Variants in ANKS1B observed in about 807,000 individuals in gnomAD.
The protein encoded by ANKS1B is ankyrin repeat and sterile alpha motif domain containing 1B.
ANKS1B carries 36 observed loss-of-function variants against 148.3 expected under a neutral mutation model. The ratio of observed to expected loss-of-function variants is 0.24; its 90% confidence interval spans 0.19 to 0.32. The LOEUF is 0.32. Ranked by LOEUF, ANKS1B falls within the 10% of genes least tolerant of loss-of-function variation. The pLI is 1.00. For synonymous variants in ANKS1B, 542 were observed against 560.8 expected, an observed-to-expected ratio of 0.97 and a Z score of 0.47; for missense variants, 1,157 against 1,542.6, an observed-to-expected ratio of 0.75 and a Z score of 4.19.
At chr12:99,815,929 T>C (rs534942310) in intron 2 of ANKS1B, among the ~76,000 whole-genome samples, 1 of 151,962 alleles carries the variant, frequency 6.6e-6, no homozygotes, top group Non-Finnish European at 1.5e-5. Flanking sequence ...CAAATGCAAA[T>C]TGTGCTACTA....
intron 9 of ANKS1B, among the ~76,000 whole-genome samples, chr12:99,628,852 G>T (rs945781101): frequency 1.3e-5 from 2 of 152,146 alleles, no homozygotes; most frequent in East Asian, 3.8e-4. Flanking sequence ...CATTCATGAG[G>T]GCAGAGCCCT....
chr12:99,311,173 G>A (rs1238865275), intron 12 of ANKS1B, among the ~76,000 whole-genome samples: 1 of 152,096 alleles, frequency 6.6e-6, no homozygotes, highest in Non-Finnish European at 1.5e-5. Flanking sequence ...GACTTCTTAA[G>A]CAAATAGAAT....
At chr12:99,440,364 T>TA (rs1352626879) in intron 11 of ANKS1B, among the ~76,000 whole-genome samples, 1 of 151,720 alleles carries the variant, frequency 6.6e-6, no homozygotes, top group Non-Finnish European at 1.5e-5. Context: ...AACTATTCAG[T>TA]AAAAAGAAGA....
intron 12 of ANKS1B, among the ~76,000 whole-genome samples, chr12:99,352,465 A>G (rs950452424): frequency 6.6e-6 from 1 of 151,776 alleles, no homozygotes; most frequent in Non-Finnish European, 1.5e-5. Context: ...AAACGACTTC[A>G]AAAAAAACCA....
chr12:99,736,393 C>T (rs554376255), intron 8 of ANKS1B, among the ~76,000 whole-genome samples: 5 of 151,848 alleles, frequency 3.3e-5, no homozygotes, highest in Admixed American at 3.3e-4. Flanking sequence ...CTGATAAATT[C>T]AGTAAAGTTG....
chr12:99,914,552 A>C (rs958188250), intron 1 of ANKS1B, among the ~76,000 whole-genome samples: 9 of 152,158 alleles, frequency 5.9e-5, no homozygotes, highest in African/African-American at 1.7e-4. Context: ...TCAGTATTTA[A>C]AATGAACCTT....
chr12:99,899,835 G>C (rs559151335), intron 1 of ANKS1B, among the ~76,000 whole-genome samples: 1 of 151,824 alleles, frequency 6.6e-6, no homozygotes, highest in Non-Finnish European at 1.5e-5. Context: ...TTTTCATGTC[G>C]TAACAGTCTT....
intron 15 of ANKS1B, among the ~76,000 whole-genome samples, chr12:99,153,570 G>A (rs953311472): frequency 5.3e-5 from 8 of 152,138 alleles, no homozygotes; most frequent in African/African-American, 1.9e-4. Flanking sequence ...ATGCAAAACG[G>A]TGGAAAGTTA....
intron 8 of ANKS1B, among the ~76,000 whole-genome samples, chr12:99,670,092 A>G (rs2098529635): frequency 6.7e-6 from 1 of 150,216 alleles, no homozygotes; most frequent in Non-Finnish European, 1.5e-5. Context: ...TAAAGGTTTG[A>G]CAAAAACACT....
chr12:99,060,251 C>T (rs987533766), intron 16 of ANKS1B, among the ~76,000 whole-genome samples: 2 of 151,824 alleles, frequency 1.3e-5, no homozygotes, highest in Non-Finnish European at 2.9e-5. Flanking sequence ...AAATGACTTT[C>T]CTCCAGGAGT....
At chr12:99,322,800 G>A (rs2085547655) in intron 12 of ANKS1B, among the ~76,000 whole-genome samples, 1 of 152,238 alleles carries the variant, frequency 6.6e-6, no homozygotes, top group South Asian at 2.1e-4. Flanking sequence ...GAGAGACCCA[G>A]TGGAAGATAA....
rs144390312 is a variant in ANKS1B, at chr12:98,801,738, C to T, written c.3142-613G>A. Among the ~76,000 whole-genome samples the T allele has an allele frequency of 7.3e-3, 1,115 of 152,288 alleles. 4 individuals are homozygous for T. Among genetic ancestry groups the T allele is most frequent in the Non-Finnish European group, 0.013 (885 of 68,018 alleles). On this transcript the variant is annotated intron_variant, in intron 20 of 26. Transcript: ENST00000683438. The surrounding 1 kb of genome is among the most constrained non-coding windows in gnomAD (Gnocchi z 5.2). ...CAGCTACTTTTCTCAGAAAACCTAA[C>T]GTACCAATGAAGACTAAACAGTGAA... is the stretch of plus-strand genomic sequence containing the variant.
chr12:99,079,423 G>A (rs1237162786), intron 16 of ANKS1B, among the ~76,000 whole-genome samples: 1 of 152,098 alleles, frequency 6.6e-6, no homozygotes, highest in African/African-American at 2.4e-5. Flanking sequence ...AATAAATATT[G>A]GTTAAACTGA....
chr12:99,484,774 T>C (rs558161613), intron 10 of ANKS1B, among the ~76,000 whole-genome samples: 12 of 146,396 alleles, frequency 8.2e-5, no homozygotes, highest in African/African-American at 3.0e-4. Context: ...GTTTTTTTTT[T>C]TTTTTTTTTA....
intron 8 of ANKS1B, among the ~76,000 whole-genome samples, chr12:99,771,316 C>T (rs1454437345): frequency 6.6e-6 from 1 of 151,932 alleles, no homozygotes; most frequent in Non-Finnish European, 1.5e-5. Flanking sequence ...GGGATATTTG[C>T]TCAAAATTTG....
At chr12:99,249,728 C>T (rs925659418) in intron 12 of ANKS1B, among the ~76,000 whole-genome samples, 7 of 152,170 alleles carry the variant, frequency 4.6e-5, no homozygotes, top group Admixed American at 2.6e-4. Flanking sequence ...AGTCCTCTCA[C>T]GCTGACTCCC....
At chr12:99,068,712 A>G (rs1007961970) in intron 16 of ANKS1B, among the ~76,000 whole-genome samples, 3 of 151,430 alleles carry the variant, frequency 2.0e-5, no homozygotes, top group African/African-American at 7.3e-5. Context: ...GCAGAGAGAG[A>G]GAGAGAGAGA....
rs528467491 is a variant in ANKS1B at position 99,620,139 on chromosome 12, C to G, written c.1272+34928G>C. Among the ~76,000 whole-genome samples, 222 of 152,178 alleles carry G rather than the reference C, an allele frequency of 1.5e-3. 1 individual carries two copies. Among genetic ancestry groups the G allele is most frequent in the African/African-American group, 5.1e-3 (212 of 41,502 alleles). On this transcript the variant is annotated intron_variant, in intron 9 of 26. Transcript: ENST00000683438. ...AGAGCACAGGGCTGTAGAAGCAAAG[C>G]CAAAACACCCTACCCAGTATTCTCT...
chr12:98,936,435 T>C (rs1488428128), intron 17 of ANKS1B, among the ~76,000 whole-genome samples: 2 of 152,138 alleles, frequency 1.3e-5, no homozygotes, highest in Non-Finnish European at 2.9e-5. Context: ...GAGACCATCC[T>C]GGCCAACATG....
Sources: gnomAD v4.1 joint callset for allele counts (sites outside exome capture counted in the v4.1 genomes callset) on GRCh38, gnomAD v4.1.1 for gene constraint, Gnocchi (gnomAD v3.1) non-coding constraint, MANE v1.5 for transcripts, NCBI Gene and HGNC (gene_info 2026-07-23, HGNC 2026-07-21) for gene names.